Variants in TNS2 observed in about 807,000 individuals in gnomAD.
TNS2 encodes the protein tensin-2.
A neutral mutation model predicts 155.7 loss-of-function variants in TNS2; 77 were observed. The ratio of observed to expected loss-of-function variants is 0.49; its 90% CI spans 0.41 to 0.60. The LOEUF is 0.60. Among genes scored for constraint, TNS2 ranks in the 20% least tolerant of loss-of-function variants. TNS2 has a pLI of 0.00. For synonymous variants in TNS2, 726 were observed against 763.9 expected (o/e 0.95, Z 0.82); for missense variants, 1,703 against 1,868.8 (o/e 0.91, Z 1.64).
chr12:53,063,660 G>A lies in TNS2; in HGVS notation c.4091+68G>A. On this transcript the variant is annotated intron_variant, in intron 28 of 28. Transcript: ENST00000314250. This position sits in a 1 kb window ranked among gnomAD's most constrained non-coding sequence, Gnocchi z 5.6. ...AGGGCGCTGCTGTCCTCTCAATGCT[G>A]GCATTTGATTTGTCTCACCAAGGCC... The A allele has an allele frequency of 1.2e-6, 2 of 1,614,090 alleles. No homozygotes were observed. The highest frequency in any genetic ancestry group is 8.5e-7 in the Non-Finnish European group (1 of 1,179,974).
intron 11 of TNS2, 68 bp from the exon 12 acceptor site, chr12:53,057,499 G>A: frequency 8.5e-7 from 1 of 1,178,960 alleles, no homozygotes; most frequent in South Asian, 1.4e-5. Flanking sequence ...AAGGGTGGAT[G>A]GTTGAAATGA....
At position 53,050,205 on chromosome 12, in the gene TNS2, T is replaced by G; in HGVS notation, c.20T>G (p.Val7Gly). Residue 7 changes from valine (V) to glycine (G), a missense_variant, in exon 1 of 29, where the codon GTG becomes GGG. Coordinates refer to ENST00000314250, the MANE Select transcript of TNS2 (RefSeq NM_170754.4). This position sits in a 1 kb window ranked among gnomAD's most constrained non-coding sequence, Gnocchi z 4.7. Reference sequence around the variant, plus strand: ...AACACCATGAAGTCCAGCGGCCCTGTGGAGAGGCTGCTCAGAGCCCTGGGG... The same window carrying G: ...AACACCATGAAGTCCAGCGGCCCTGGGGAGAGGCTGCTCAGAGCCCTGGGG... MKSSGP[V>G]ERLLRALGRR... 2 of 1,610,660 alleles carry G rather than the reference T, an allele frequency of 1.2e-6. No individual in the cohort carries two copies. The highest frequency in any genetic ancestry group is 1.7e-6 in the Non-Finnish European group (2 of 1,179,188).
chr12:53,061,476 A>G lies in TNS2; in HGVS notation c.3448+7A>G, dbSNP rs1944383552. On this transcript the variant is annotated splice_region_variant and intron_variant, in intron 21 of 28. Transcript: ENST00000314250. ...CACCTGTCCCGTGACCAAGGTGAGA[A>G]GCCAGCCTGCCCCCACCCCACTGCA... 1.9e-6 allele frequency: 3 copies of G among 1,613,876 alleles called. No homozygotes were observed. The highest frequency in any genetic ancestry group is 2.5e-6 in the Non-Finnish European group (3 of 1,179,930).
At chr12:53,053,866 C>G (rs370954593) in intron 5 of TNS2, 54 bp downstream of exon 5, 328 of 1,613,830 alleles carry the variant, frequency 2.0e-4, no homozygotes, top group Non-Finnish European at 2.7e-4. Context: ...GAGTAAGGAT[C>G]TAGATTTCCT....
At position 53,059,387 on chromosome 12, in the gene TNS2, A is replaced by G; in HGVS notation, c.1746A>G (p.Pro582=). 1 of 1,463,500 alleles carries G rather than the reference A, an allele frequency of 6.8e-7. No homozygotes were observed. 90.7% of individuals were successfully genotyped at this position (1,463,500 alleles called of 1,614,324 possible). The change falls in exon 18 of 29, where the codon CCA becomes CCG. Residue 582 remains proline (P), a synonymous_variant. Transcript: ENST00000314250. This position sits in a 1 kb window ranked among gnomAD's most constrained non-coding sequence, Gnocchi z 4.7. The stretch of plus-strand genomic sequence containing the variant: ...GAGGCCCCCACCTCGGAGTGTATCC[A>G]GGCCATAGGCCTGGCCTCAGCCGCC... ...VGGGPHLGVY[P]GHRPGLSRHC... is the part of the protein sequence containing the mutation.
At chr12:53,056,660 T>A (rs1452704959) in intron 10 of TNS2, among the ~76,000 whole-genome samples, 2 of 152,206 alleles carry the variant, frequency 1.3e-5, no homozygotes, top group African/African-American at 2.4e-5. Flanking sequence ...GGATTCAGGG[T>A]CCACCCTCCT....
Position 53,058,212 on chromosome 12 carries a change from C to A in TNS2, c.1096-104C>A, listed in dbSNP as rs565931043. The A allele has an allele frequency of 5.6e-5, 90 of 1,605,508 alleles. No individual in the cohort carries two copies. In the African/African-American group the frequency reaches 1.2e-3, roughly 21 times the overall value. Reference sequence around the variant, plus strand: ...GATTGGAGAGCGAGTAGGGAGATCACCTTGAGATCGAGGCAGGGCAGAAGC... The same window carrying A: ...GATTGGAGAGCGAGTAGGGAGATCAACTTGAGATCGAGGCAGGGCAGAAGC... On this transcript the variant is annotated intron_variant, in intron 14 of 28. Transcript: ENST00000314250.
At chr12:53,056,264 G>A (rs1289939736) in intron 10 of TNS2, 5 of 161,318 alleles carry the variant, frequency 3.1e-5, no homozygotes, top group African/African-American at 7.2e-5. Context: ...GGAGGCTGAG[G>A]CAGGAGAATT....
chr12:53,054,550 ACCAGAGTGGTGGGGTGGGGGCGGGG>A (rs1180980293), intron 7 of TNS2, 109 bp downstream of exon 7: 6 of 944,732 alleles, frequency 6.4e-6, no homozygotes, highest in East Asian at 4.3e-5. Context: ...AGGGGGCGGG[ACCAGAGTGGTGGGGTGGGGGCGGGG>A]CCCGGAGCGC....
chr12:53,053,892 ATGGCTC>A, intron 5 of TNS2, 67 bp from the exon 6 acceptor site: 1 of 1,614,014 alleles, frequency 6.2e-7, no homozygotes, highest in Non-Finnish European at 8.5e-7. Flanking sequence ...CAAAAAGGGC[ATGGCTC>A]TGGAGTGGGC....
Position 53,054,023 on chromosome 12 carries a change from GGGT to G in TNS2, c.350+11_350+13del. 1 of 1,614,106 alleles carries G rather than the reference GGGT, an allele frequency of 6.2e-7. No individual in the cohort carries two copies. The highest frequency in any genetic ancestry group is 1.1e-5 in the South Asian group (1 of 91,084). Reference sequence around the variant, plus strand: ...CGCAGCACTCTGCCCAGGTAAGTGAGGGTGCTGGGGTGGTCCCACGTGACCCCC... The same window carrying G: ...CGCAGCACTCTGCCCAGGTAAGTGAGGCTGGGGTGGTCCCACGTGACCCCC... On this transcript the variant is annotated intron_variant, in intron 6 of 28. Coordinates refer to ENST00000314250, the MANE Select transcript of TNS2 (RefSeq NM_170754.4).
intron 5 of TNS2, 76 bp downstream of exon 5, chr12:53,053,888 G>A (rs1944032642): frequency 6.2e-7 from 1 of 1,614,034 alleles, no homozygotes; most frequent in Non-Finnish European, 8.5e-7. Context: ...AAGACAAAAA[G>A]GGCATGGCTC....
chr12:53,057,772 G>C lies in TNS2; in HGVS notation c.959-1G>C. ...CTGTGCCTTCTCCTCTGCCCCTCCA[G>C]GCTTCCAGCCCTTCCTTAAAATCTA... On this transcript the variant is annotated splice_acceptor_variant, in intron 12 of 28. Transcript: ENST00000314250. LOFTEE classifies it high-confidence loss of function. The C allele has an allele frequency of 6.2e-7, 1 of 1,614,086 alleles. No homozygotes were observed. The highest frequency in any genetic ancestry group is 2.2e-5 in the East Asian group (1 of 44,880).
intron 1 of TNS2, among the ~76,000 whole-genome samples, chr12:53,051,096 A>G (rs1943914587): frequency 6.6e-6 from 1 of 152,170 alleles, no homozygotes; most frequent in African/African-American, 2.4e-5. Flanking sequence ...GCCTCACTGC[A>G]TCTCTGGGTC....
chr12:53,053,301 A>G, intron 3 of TNS2, 110 bp from the exon 4 acceptor site: 1 of 1,258,798 alleles, frequency 7.9e-7, no homozygotes, highest in Non-Finnish European at 1.2e-6. Flanking sequence ...GCCTGTGCCC[A>G]TCCACTGAAG....
In TNS2 at chr12:53,063,813, T is replaced by A. The variant is rs1442017534; in HGVS notation, c.4161T>A (p.Leu1387=). The change falls in exon 29 of 29, where the codon CTT becomes CTA. Residue 1387 remains leucine (L), a synonymous_variant. Transcript: ENST00000314250. This position sits in a 1 kb window ranked among gnomAD's most constrained non-coding sequence, Gnocchi z 5.6. ...WENVCHLFAE[L]DPDQPAGAIV... is the part of the protein sequence containing the mutation. ...ATGTGTGTCACCTCTTTGCAGAGCT[T>A]GACCCAGATCAGCCTGCTGGCGCCA... 6.2e-7 allele frequency: 1 copy of A among 1,614,056 alleles called. No homozygotes were observed. Among genetic ancestry groups the A allele is most frequent in the African/African-American group, 1.3e-5 (1 of 74,922 alleles).
At chr12:53,051,337 G>A (rs1169261447) in intron 1 of TNS2, among the ~76,000 whole-genome samples, 4 of 152,174 alleles carry the variant, frequency 2.6e-5, no homozygotes, top group African/African-American at 9.7e-5. Context: ...TGACCGTGGG[G>A]GAGGAGGGCA....
Position 53,057,781 on chromosome 12 carries a change from C to G in TNS2, c.967C>G (p.Pro323Ala), listed in dbSNP as rs1206708050. The change falls in exon 13 of 29, where the codon CCC becomes GCC. Residue 323 changes from proline to alanine, a missense_variant. Coordinates refer to ENST00000314250, the MANE Select transcript of TNS2 (RefSeq NM_170754.4). The part of the protein sequence containing the change: ...PAFEPGTGFQ[P>A]FLKIYQSMQL... ...CTCCTCTGCCCCTCCAGGCTTCCAG[C>G]CCTTCCTTAAAATCTACCAGTCCAT... 2.0e-5 allele frequency: 32 copies of G among 1,614,042 alleles called. No homozygotes were observed. Among genetic ancestry groups the G allele is most frequent in the Non-Finnish European group, 2.7e-5 (32 of 1,180,038 alleles).
In TNS2 at chr12:53,055,807, C is replaced by T. The variant is rs749495661; in HGVS notation, c.723C>T (p.Ile241=). 1.2e-6 allele frequency: 2 copies of T among 1,614,122 alleles called. No homozygotes were observed. The highest frequency in any genetic ancestry group is 1.3e-5 in the African/African-American group (1 of 74,980). ...GAAACAAGGGCAAGCTTGGGGTCAT[C>T]GTTTCTGCCTACATGCACTACAGCA... ...CKGNKGKLGV[I]VSAYMHYSKI... is the part of the protein sequence containing the mutation. Residue 241 remains isoleucine, a synonymous_variant, in exon 10 of 29, where the codon ATC becomes ATT. Coordinates refer to ENST00000314250, the MANE Select transcript of TNS2 (RefSeq NM_170754.4).
Sources: allele counts gnomAD v4.1 joint callset (sites outside exome capture counted in the v4.1 genomes callset), GRCh38; gene constraint gnomAD v4.1.1; non-coding constraint Gnocchi (gnomAD v3.1); transcripts MANE v1.5; gene names NCBI Gene and HGNC (gene_info 2026-07-23, HGNC 2026-07-21).